ZBED4: variants seen among roughly 807,000 people sequenced by gnomAD.
ZBED4 encodes the protein zinc finger BED domain-containing protein 4.
ZBED4 carries 4 observed loss-of-function variants against 15.5 expected under a neutral mutation model. The observed-to-expected ratio is 0.26, with a 90% CI of 0.13 to 0.59. ZBED4 has a LOEUF of 0.59. ZBED4 is among the 20% of genes least tolerant of loss of function. The pLI is 0.90. For synonymous variants in ZBED4, 692 were observed against 608.5 expected, an observed-to-expected ratio of 1.14 and a Z score of -2.02; for missense variants, 1,323 against 1,461.8, an observed-to-expected ratio of 0.91 and a Z score of 1.55.
intron 1 of ZBED4, among the ~76,000 whole-genome samples, chr22:49,877,258 ATTATTTATTTATTTAT>A (rs200275015): frequency 0.06 from 8,690 of 144,670 alleles, 403 homozygotes; most frequent in South Asian, 0.19. Context: ...AAACAGCTTT[ATTATTTATTTATTTAT>A]TTATTTATTT....
chr22:49,853,748 T>G (rs913602133), upstream of ZBED4: 1 of 145,018 alleles, frequency 6.9e-6, no homozygotes, highest in African/African-American at 2.6e-5. Context: ...GCGGGGCGGG[T>G]ACGCGGACAC....
At chr22:49,874,534 C>T (rs2060365937) in intron 1 of ZBED4, among the ~76,000 whole-genome samples, 1 of 150,680 alleles carries the variant, frequency 6.6e-6, no homozygotes, top group African/African-American at 2.4e-5. Flanking sequence ...TACAGGGGCC[C>T]ACCACCATTT....
In ZBED4 at chr22:49,885,991, T is replaced by C. The variant is rs759530927; in HGVS notation, c.2329T>C (p.Cys777Arg). 1 of 695,904 alleles carries C rather than the reference T, an allele frequency of 1.4e-6. No individual in the cohort carries two copies. The allele number at this position is 695,904 out of a possible 1,614,324, so 43.1% of individuals were successfully genotyped here. A position where few individuals can be genotyped will look rare whatever the true frequency, so the allele number is the denominator to read the frequency against. ...SALLDVSQVD[C>R]DYSGNSIQKQ... is the part of the protein sequence containing the mutation. ...GCTGTTGGACGTGTCGCAGGTGGAC[T>C]GCGACTACAGTGGCAACAGCATTCA... is the stretch of plus-strand genomic sequence containing the variant. The change falls in exon 2 of 2, where the codon TGC becomes CGC. Residue 777 changes from cysteine (C) to arginine (R), a missense_variant. Cys to Arg is a radical substitution (Grantham distance 180, BLOSUM62 -3). Transcript: ENST00000216268.
chr22:49,876,325 T>G (rs901807595), intron 1 of ZBED4, among the ~76,000 whole-genome samples: 2 of 152,196 alleles, frequency 1.3e-5, no homozygotes, highest in Admixed American at 6.5e-5. Context: ...CTTCCGTGTC[T>G]TTACTGATTT....
At chr22:49,873,689 TGAG>T (rs2060360259) in intron 1 of ZBED4, among the ~76,000 whole-genome samples, 1 of 112,474 alleles carries the variant, frequency 8.9e-6, no homozygotes, top group African/African-American at 9.3e-5. Context: ...TGCGGTGATA[TGAG>T]GTGATATGAG....
At position 49,889,885 on chromosome 22, in the gene ZBED4, G is replaced by A. The variant is rs2060459283; in HGVS notation, c.*2707G>A. On this transcript the variant is annotated 3_prime_UTR_variant, in exon 2 of 2. Coordinates refer to ENST00000216268, the MANE Select transcript of ZBED4 (RefSeq NM_014838.3). ...CTGCGAGCTGTTTGTTTCCCTGCCT[G>A]GAAATGATGTTTTAGGCAGGTTCCT... 1.2e-5 allele frequency: 2 copies of A among 167,142 alleles called. No homozygotes were observed. Among genetic ancestry groups the A allele is most frequent in the East Asian group, 1.9e-4 (1 of 5,192 alleles). The allele number at this position is 167,142 out of a possible 1,614,324, so 10.4% of individuals were successfully genotyped here.
At chr22:49,881,589 C>T (rs1168294842) in intron 1 of ZBED4, among the ~76,000 whole-genome samples, 2 of 152,196 alleles carry the variant, frequency 1.3e-5, no homozygotes, top group Non-Finnish European at 2.9e-5. Context: ...ATTATTCAGG[C>T]TAGTCTTCAA....
In ZBED4 at chr22:49,883,947, C is replaced by T. The variant is rs377512141; in HGVS notation, c.285C>T (p.Tyr95=). Residue 95 remains tyrosine, a synonymous_variant, in exon 2 of 2, where the codon TAC becomes TAT. Coordinates refer to ENST00000216268, the MANE Select transcript of ZBED4 (RefSeq NM_014838.3). ...TCTCCCAGTACAGCAGCACCCTATA[C>T]GACGTGGCCATGGAGGCCGTGACCC... The part of the protein sequence containing the change: ...ALFSQYSSTL[Y]DVAMEAVTQS... 42 of 1,613,510 alleles carry T rather than the reference C, an allele frequency of 2.6e-5. No individual in the cohort carries two copies. The highest frequency in any genetic ancestry group is 8.9e-5 in the East Asian group (4 of 44,876).
rs2060430815 is a variant in ZBED4 at position 49,885,125 on chromosome 22, AGAAGGGTGATGT to A, written c.1465_1476del (p.Lys489_Val492del). 2 of 1,614,194 alleles carry A rather than the reference AGAAGGGTGATGT, an allele frequency of 1.2e-6. No homozygotes were observed. Among genetic ancestry groups the A allele is most frequent in the South Asian group, 2.2e-5 (2 of 91,084 alleles). On this transcript the variant is annotated inframe_deletion, in exon 2 of 2. Transcript: ENST00000216268. ...TGCGGCTGTGCCATCAGCCGGGGGA[AGAAGGGTGATGT>A]GGGCACCAGCTGCCTGATGAGACAT...
chr22:49,864,904 TC>T (rs1386736123), intron 1 of ZBED4, among the ~76,000 whole-genome samples: 3 of 129,640 alleles, frequency 2.3e-5, no homozygotes, highest in African/African-American at 6.7e-5. Flanking sequence ...GTTCAGATGC[TC>T]CTTGATTGAC....
At chr22:49,864,991 G>GT (rs1227136768) in intron 1 of ZBED4, among the ~76,000 whole-genome samples, 3 of 124,510 alleles carry the variant, frequency 2.4e-5, no homozygotes, top group African/African-American at 9.7e-5. Flanking sequence ...ATTGTGCTGT[G>GT]TTTCTCCCCT....
chr22:49,877,376 C>A (rs1347566406), intron 1 of ZBED4, among the ~76,000 whole-genome samples: 1 of 152,072 alleles, frequency 6.6e-6, no homozygotes, highest in Non-Finnish European at 1.5e-5. Flanking sequence ...ACTGCAACCT[C>A]CGCCTCCCAG....
intron 1 of ZBED4, among the ~76,000 whole-genome samples, chr22:49,882,233 T>C (rs1370213462): frequency 6.6e-6 from 1 of 152,234 alleles, no homozygotes; most frequent in Non-Finnish European, 1.5e-5. Context: ...TCTCCCACTT[T>C]CTGGCATGCC....
intron 1 of ZBED4, among the ~76,000 whole-genome samples, chr22:49,882,247 T>C (rs146426720): frequency 1.3e-5 from 2 of 152,290 alleles, no homozygotes; most frequent in Middle Eastern, 3.4e-3. Flanking sequence ...GCATGCCCAG[T>C]AATACTTTAA....
At chr22:49,872,383 T>G (rs1046880328) in intron 1 of ZBED4, among the ~76,000 whole-genome samples, 11 of 152,112 alleles carry the variant, frequency 7.2e-5, no homozygotes, top group African/African-American at 2.7e-4. Flanking sequence ...ATAATTCTAG[T>G]TTTTGCCCTT....
At chr22:49,868,998 C>A (rs1402558390) in intron 1 of ZBED4, among the ~76,000 whole-genome samples, 1 of 151,488 alleles carries the variant, frequency 6.6e-6, no homozygotes, top group African/African-American at 2.4e-5. Context: ...ATGGTGTATG[C>A]CTGTAATCCG....
At position 49,883,717 on chromosome 22, in the gene ZBED4, A is replaced by G; in HGVS notation, c.55A>G (p.Lys19Glu). 1 of 1,607,374 alleles carries G rather than the reference A, an allele frequency of 6.2e-7. No individual in the cohort carries two copies. Among genetic ancestry groups the G allele is most frequent in the African/African-American group, 1.3e-5 (1 of 74,792 alleles). ...AGAGGACGGTGATTTCGTTTCTGAT[A>G]AAATAAAGTTTAAAATAGAAGAGGA... ...PKEDGDFVSD[K>E]IKFKIEEEDD... The change falls in exon 2 of 2, where the codon AAA (lysine) becomes GAA (glutamate). Residue 19 changes from lysine (K) to glutamate (E), a missense_variant. Transcript: ENST00000216268.
Position 49,883,515 on chromosome 22 carries a change from T to C in ZBED4, c.-148T>C. 1 of 1,128,894 alleles carries C rather than the reference T, an allele frequency of 8.9e-7. No individual in the cohort carries two copies. The highest frequency in any genetic ancestry group is 1.2e-6 in the Non-Finnish European group (1 of 827,418). The allele number at this position is 1,128,894 out of a possible 1,614,324, so 69.9% of individuals were successfully genotyped here. A position where few individuals can be genotyped will look rare whatever the true frequency, so the allele number is the denominator to read the frequency against. ...AGTCACAGATTCTTTTTTTCAGTAC[T>C]ATTTATGATTAGCCATATTTCTAGA... On this transcript the variant is annotated 5_prime_UTR_variant, in exon 2 of 2. Transcript: ENST00000216268.
chr22:49,880,826 TACTG>T (rs1255747067), intron 1 of ZBED4, among the ~76,000 whole-genome samples: 23 of 152,196 alleles, frequency 1.5e-4, no homozygotes, highest in Admixed American at 1.5e-3. Context: ...TTTGGGAAAA[TACTG>T]ATGTCAACAT....
Sources: allele counts gnomAD v4.1 joint callset (sites outside exome capture counted in the v4.1 genomes callset), GRCh38; gene constraint gnomAD v4.1.1; transcripts MANE v1.5; gene names NCBI Gene and HGNC (gene_info 2026-07-23, HGNC 2026-07-21).